The following FOXN2 variants were observed in gnomAD, a reference collection of about 807,000 sequenced individuals.
The protein encoded by FOXN2 is forkhead box protein N2.
A neutral mutation model predicts 41.2 loss-of-function variants in FOXN2; 19 were observed. The ratio of observed to expected loss-of-function variants is 0.46; its 90% confidence interval spans 0.32 to 0.68. The LOEUF is 0.68. FOXN2 is among the 30% of genes least tolerant of loss of function. The probability of loss-of-function intolerance (pLI) is 0.03; values close to 1 mark genes in which losing one functional copy is unlikely to be tolerated. For missense variants in FOXN2, 587 were observed against 509.4 expected (o/e 1.15, Z -1.47); for synonymous variants, 195 against 176.8 (o/e 1.10, Z -0.82).
upstream of FOXN2, among the ~76,000 whole-genome samples, chr2:48,313,845 G>A (rs893413810): frequency 3.3e-5 from 5 of 151,892 alleles, no homozygotes; most frequent in Non-Finnish European, 5.9e-5. Flanking sequence ...AACCCAAACG[G>A]GATATTCTTA....
intron 1 of FOXN2, among the ~76,000 whole-genome samples, chr2:48,315,832 C>T (rs1668874540): frequency 6.6e-6 from 1 of 152,242 alleles, no homozygotes; most frequent in Non-Finnish European, 1.5e-5. Flanking sequence ...TGGATTTCTG[C>T]TTTAAAGTCT....
intron 1 of FOXN2, among the ~76,000 whole-genome samples, chr2:48,325,472 G>A (rs1268632332): frequency 1.3e-5 from 2 of 152,116 alleles, no homozygotes; most frequent in African/African-American, 4.8e-5. Context: ...TAATGTGAGT[G>A]TATGTGGAAT....
At chr2:48,341,467 C>G (rs1572727206) in intron 2 of FOXN2, among the ~76,000 whole-genome samples, 1 of 151,952 alleles carries the variant, frequency 6.6e-6, no homozygotes, top group Admixed American at 6.6e-5. Context: ...AGAATGCTAA[C>G]AAAAATAAAT....
chr2:48,343,400 T>C (rs1428699080), intron 2 of FOXN2, among the ~76,000 whole-genome samples: 1 of 152,166 alleles, frequency 6.6e-6, no homozygotes, highest in Non-Finnish European at 1.5e-5. Flanking sequence ...CTGAAATAAT[T>C]ATGATTTGAG....
rs537728072 is a variant in FOXN2, at chr2:48,376,821, C to T, written c.*1378C>T. The T allele has an allele frequency of 6.6e-6, 1 of 152,476 alleles. No homozygotes were observed. The highest frequency in any genetic ancestry group is 2.1e-4 in the South Asian group (1 of 4,820). The allele number at this position is 152,476 out of a possible 1,614,324, so 9.4% of individuals were successfully genotyped here. On this transcript the variant is annotated 3_prime_UTR_variant, in exon 7 of 7. Coordinates refer to ENST00000340553, the MANE Select transcript of FOXN2 (RefSeq NM_002158.4). ...AACTTTCTGAAAGTTCAGTCTTATG[C>T]TACATCCTAAGTCATAGACAATGAC...
At chr2:48,368,683 C>A (rs921386329) in intron 5 of FOXN2, among the ~76,000 whole-genome samples, 1 of 152,096 alleles carries the variant, frequency 6.6e-6, no homozygotes, top group African/African-American at 2.4e-5. Flanking sequence ...CGGAGTGAGA[C>A]CCTGTTGATA....
chr2:48,350,585 A>G (rs1023619098), intron 3 of FOXN2, among the ~76,000 whole-genome samples: 1 of 152,176 alleles, frequency 6.6e-6, no homozygotes, highest in African/African-American at 2.4e-5. Context: ...GTCCTACACC[A>G]CTATCTGATC....
At chr2:48,351,316 C>T (rs1036460933) in intron 3 of FOXN2, among the ~76,000 whole-genome samples, 9 of 152,106 alleles carry the variant, frequency 5.9e-5, no homozygotes, top group Admixed American at 1.3e-4. Context: ...CTCCCTCTAT[C>T]GCCCAGGCTG....
intron 2 of FOXN2, among the ~76,000 whole-genome samples, chr2:48,342,323 T>C (rs993297856): frequency 6.6e-6 from 1 of 152,128 alleles, no homozygotes; most frequent in East Asian, 1.9e-4. Flanking sequence ...TGTAAGTTGT[T>C]TATAGTTTTC....
At chr2:48,333,094 T>C (rs28399967) in intron 2 of FOXN2, among the ~76,000 whole-genome samples, 18,346 of 152,200 alleles carry the variant, frequency 0.12, 1,305 homozygotes, top group African/African-American at 0.2. Flanking sequence ...GTTATGTATG[T>C]TAATCCTTTC....
In FOXN2 at chr2:48,346,372, A is replaced by G. The variant is rs767351988; in HGVS notation, c.158A>G (p.Asp53Gly). The change falls in exon 3 of 7, where the codon GAT (aspartate) becomes GGT (glycine). Residue 53 changes from aspartate (D) to glycine (G), a missense_variant. Coordinates refer to ENST00000340553, the MANE Select transcript of FOXN2 (RefSeq NM_002158.4). ...ACTCTAGTGGACAGTGAGTCAGCAG[A>G]TGATGAACTCACAAACTTGAACTGG... ...KATLVDSESA[D>G]DELTNLNWLH... is the part of the protein sequence containing the mutation. 1.2e-6 allele frequency: 2 copies of G among 1,614,212 alleles called. No individual in the cohort carries two copies. The highest frequency in any genetic ancestry group is 1.7e-6 in the Non-Finnish European group (2 of 1,180,038).
At chr2:48,336,556 T>C (rs1275081130) in intron 2 of FOXN2, among the ~76,000 whole-genome samples, 1 of 151,764 alleles carries the variant, frequency 6.6e-6, no homozygotes, top group Non-Finnish European at 1.5e-5. Context: ...TAGAAATATG[T>C]ATATAATTTC....
chr2:48,346,579 A>G lies in FOXN2; in HGVS notation c.365A>G (p.Tyr122Cys). The G allele has an allele frequency of 6.2e-7, 1 of 1,613,922 alleles. No individual in the cohort carries two copies. Among genetic ancestry groups the G allele is most frequent in the Non-Finnish European group, 8.5e-7 (1 of 1,179,938 alleles). Residue 122 changes from tyrosine to cysteine, a missense_variant, in exon 3 of 7, where the codon TAT (tyrosine) becomes TGT (cysteine). Tyr to Cys is a radical substitution (Grantham distance 194, BLOSUM62 -2). Transcript: ENST00000340553. ...CCATACTCCTTTAGTCTTCTCATTT[A>G]TATGGCCATTGAGCACTCTCCAAAT... is the stretch of plus-strand genomic sequence containing the variant. ...KPPYSFSLLIYMAIEHSPNKC... is the reference protein window; with the variant it reads ...KPPYSFSLLICMAIEHSPNKC...
Position 48,333,535 on chromosome 2 carries a change from G to C in FOXN2, c.-15+4833G>C, listed in dbSNP as rs183572037. Among the ~76,000 whole-genome samples the C allele has an allele frequency of 4.6e-5, 7 of 152,138 alleles. No individual in the cohort carries two copies. The East Asian group carries it at 1.4e-3, about 29-fold the overall frequency. ...AAAGAGACTTACAAGTATTTGTTGG[G>C]GGGAATCACGAAGTTTATGCATTAA... On this transcript the variant is annotated intron_variant, in intron 2 of 6. Coordinates refer to ENST00000340553, the MANE Select transcript of FOXN2 (RefSeq NM_002158.4).
At chr2:48,359,617 C>CTT (rs201285442) in intron 4 of FOXN2, among the ~76,000 whole-genome samples, 2 of 149,846 alleles carry the variant, frequency 1.3e-5, no homozygotes, top group Non-Finnish European at 3.0e-5. Flanking sequence ...CTTTTCTTTT[C>CTT]TTTTCTTTTT....
At chr2:48,314,180 G>A (rs1668723198), upstream of FOXN2, among the ~76,000 whole-genome samples, 1 of 152,234 alleles carries the variant, frequency 6.6e-6, no homozygotes. Flanking sequence ...CATAACGTGG[G>A]GTGTCGAGGA....
At chr2:48,358,945 A>G (rs937430192) in intron 3 of FOXN2, 102 bp from the exon 4 acceptor site, 14 of 816,298 alleles carry the variant, frequency 1.7e-5, no homozygotes, top group African/African-American at 5.2e-5. Context: ...CATACTCAAA[A>G]GGTGCTAGAG....
At chr2:48,373,726 G>GA (rs1199932795) in intron 6 of FOXN2, among the ~76,000 whole-genome samples, 1 of 151,910 alleles carries the variant, frequency 6.6e-6, no homozygotes, top group Non-Finnish European at 1.5e-5. Flanking sequence ...ATCCATGAAG[G>GA]AAAAAAATGG....
chr2:48,351,327 GAGTGC>G (rs1198456562), intron 3 of FOXN2, among the ~76,000 whole-genome samples: 1 of 152,200 alleles, frequency 6.6e-6, no homozygotes, highest in Non-Finnish European at 1.5e-5. Flanking sequence ...GCCCAGGCTG[GAGTGC>G]AGTGGTGAGA....
Sources: gnomAD v4.1 joint callset for allele counts (sites outside exome capture counted in the v4.1 genomes callset) on GRCh38, gnomAD v4.1.1 for gene constraint, MANE v1.5 for transcripts, NCBI Gene and HGNC (gene_info 2026-07-23, HGNC 2026-07-21) for gene names.